The following STT3B variants were observed in gnomAD, a reference collection of about 807,000 sequenced individuals.
The protein encoded by STT3B is dolichyl-diphosphooligosaccharide--protein glycosyltransferase subunit STT3B.
STT3B carries 29 observed loss-of-function variants against 96.8 expected under a neutral mutation model. The ratio of observed to expected loss-of-function variants is 0.30; its 90% CI spans 0.22 to 0.41. The LOEUF is 0.41. Among genes scored for constraint, STT3B ranks in the 10% least tolerant of loss-of-function variants. The pLI is 1.00. For synonymous variants in STT3B, 367 were observed against 360.0 expected, an observed-to-expected ratio of 1.02 and a Z score of -0.22; for missense variants, 640 against 1,022.3, an observed-to-expected ratio of 0.63 and a Z score of 5.10.
At chr3:31,634,508 T>C (rs1699723178) in intron 15 of STT3B, among the ~76,000 whole-genome samples, 1 of 152,206 alleles carries the variant, frequency 6.6e-6, no homozygotes, top group Non-Finnish European at 1.5e-5. Flanking sequence ...ATTTTGACAT[T>C]CTGGTTTCCA....
chr3:31,622,547 A>G (rs1365703920), intron 10 of STT3B, among the ~76,000 whole-genome samples: 1 of 152,214 alleles, frequency 6.6e-6, no homozygotes, highest in Non-Finnish European at 1.5e-5. Context: ...TTTGTTATCT[A>G]AATACTTAAG....
chr3:31,548,605 T>C (rs1436977148), intron 1 of STT3B, among the ~76,000 whole-genome samples: 1 of 152,200 alleles, frequency 6.6e-6, no homozygotes, highest in Non-Finnish European at 1.5e-5. Context: ...TAGTTCAGTA[T>C]TGACCACCTC....
At chr3:31,539,948 GTGTA>G (rs2125434249) in intron 1 of STT3B, among the ~76,000 whole-genome samples, 1 of 152,260 alleles carries the variant, frequency 6.6e-6, no homozygotes, top group African/African-American at 2.4e-5. Flanking sequence ...AGGATTTTTA[GTGTA>G]TGTGTTGGCC....
intron 3 of STT3B, among the ~76,000 whole-genome samples, chr3:31,581,052 A>G (rs961635816): frequency 6.6e-6 from 1 of 152,144 alleles, no homozygotes; most frequent in Non-Finnish European, 1.5e-5. Context: ...GATCCTGATA[A>G]TATAATGCTT....
chr3:31,621,868 T>C (rs1699436621), intron 9 of STT3B, among the ~76,000 whole-genome samples: 1 of 152,254 alleles, frequency 6.6e-6, no homozygotes, highest in Non-Finnish European at 1.5e-5. Flanking sequence ...ATTTGAATCA[T>C]ATACATTTTT....
chr3:31,633,243 G>T lies in STT3B; in HGVS notation c.2400+96G>T, dbSNP rs1699697551. The T allele has an allele frequency of 2.8e-5, 29 of 1,038,296 alleles. No individual in the cohort carries two copies. In the South Asian group the frequency reaches 4.3e-4, roughly 15 times the overall value. 64.3% of individuals were successfully genotyped at this position (1,038,296 alleles called of 1,614,324 possible). ...AATTGCAATAAATTTCCATCTGCCA[G>T]ATTTATAAAGACTATGGCTTCTATA... On this transcript the variant is annotated intron_variant, in intron 15 of 15. Coordinates refer to ENST00000295770, the MANE Select transcript of STT3B (RefSeq NM_178862.3).
At chr3:31,562,386 T>C (rs1398134584) in intron 1 of STT3B, among the ~76,000 whole-genome samples, 2 of 152,010 alleles carry the variant, frequency 1.3e-5, no homozygotes, top group Non-Finnish European at 2.9e-5. Flanking sequence ...CTGGGAGTAG[T>C]GTTCAGGTGT....
rs1161275688 is a variant in STT3B, at chr3:31,625,863, A to C, written c.1900-91A>C. The C allele has an allele frequency of 5.8e-6, 7 of 1,217,060 alleles. No homozygotes were observed. In the South Asian group the frequency reaches 9.9e-5, roughly 17 times the overall value. The allele number at this position is 1,217,060 out of a possible 1,614,324, so 75.4% of individuals were successfully genotyped here. A position where few individuals can be genotyped will look rare whatever the true frequency, so the allele number is the denominator to read the frequency against. ...AAATTCCATGTAAAACAAACTCTTG[A>C]TGAATTCCATGTTGTAGTAAAAAAT... On this transcript the variant is annotated intron_variant, in intron 12 of 15. Transcript: ENST00000295770.
chr3:31,536,062 C>G (rs943491526), intron 1 of STT3B, among the ~76,000 whole-genome samples: 1 of 151,912 alleles, frequency 6.6e-6, no homozygotes, highest in Non-Finnish European at 1.5e-5. Flanking sequence ...AAAAAAAATA[C>G]CTTGTTCTTG....
chr3:31,537,004 T>C (rs530396143), intron 1 of STT3B, among the ~76,000 whole-genome samples: 1 of 152,352 alleles, frequency 6.6e-6, no homozygotes, highest in South Asian at 2.1e-4. Context: ...GTGAGAGCTC[T>C]TTTTTCCCTG....
At chr3:31,626,751 C>T (rs1014709961) in intron 13 of STT3B, among the ~76,000 whole-genome samples, 2 of 152,116 alleles carry the variant, frequency 1.3e-5, no homozygotes, top group South Asian at 2.1e-4. Context: ...TTTATAGTGC[C>T]GTTTAATGAG....
At chr3:31,610,532 A>G (rs1699160158) in intron 5 of STT3B, among the ~76,000 whole-genome samples, 1 of 152,224 alleles carries the variant, frequency 6.6e-6, no homozygotes, top group African/African-American at 2.4e-5. Context: ...GGGGAACAGC[A>G]AACTTCTTCA....
rs746961657 is a variant in STT3B at position 31,596,834 on chromosome 3, A to G, written c.748A>G (p.Met250Val). 20 of 1,612,888 alleles carry G rather than the reference A, an allele frequency of 1.2e-5. No individual in the cohort carries two copies. The highest frequency in any genetic ancestry group is 4.5e-5 in the East Asian group (2 of 44,802). ...AAAAACTGGGTCAGTTTTTTGGACA[A>G]TGTGCTGCTGCTTATCCTATTTCTA... Reference protein sequence around the residue: ...SVKTGSVFWTMCCCLSYFYMV... With the variant: ...SVKTGSVFWTVCCCLSYFYMV... The change falls in exon 4 of 16, where the codon ATG (methionine) becomes GTG (valine). Residue 250 changes from methionine to valine, a missense_variant. Physicochemically the swap from Met to Val is conservative, Grantham distance 21 (BLOSUM62 1). Coordinates refer to ENST00000295770, the MANE Select transcript of STT3B (RefSeq NM_178862.3).
chr3:31,563,097 G>GT (rs1339268434), intron 1 of STT3B, among the ~76,000 whole-genome samples: 1 of 152,108 alleles, frequency 6.6e-6, no homozygotes, highest in East Asian at 1.9e-4. Context: ...GAACAGGCTT[G>GT]TTTCCCTCTT....
At chr3:31,592,112 AT>A (rs1242853554) in intron 3 of STT3B, among the ~76,000 whole-genome samples, 2 of 152,134 alleles carry the variant, frequency 1.3e-5, no homozygotes, top group African/African-American at 4.8e-5. Flanking sequence ...ATTAAACAAT[AT>A]CTCTCCTTTC....
intron 3 of STT3B, among the ~76,000 whole-genome samples, chr3:31,594,517 C>T (rs970944160): frequency 6.6e-6 from 1 of 152,014 alleles, no homozygotes; most frequent in African/African-American, 2.4e-5. Flanking sequence ...GCAACCTCCA[C>T]CTCCCGGGTT....
chr3:31,599,187 A>G (rs1429028991), intron 4 of STT3B, among the ~76,000 whole-genome samples: 1 of 151,926 alleles, frequency 6.6e-6, no homozygotes, highest in African/African-American at 2.4e-5. Context: ...CTTTTTTTCT[A>G]CACCATAGCC....
At chr3:31,563,778 A>C (rs1163320052) in intron 1 of STT3B, among the ~76,000 whole-genome samples, 2 of 152,152 alleles carry the variant, frequency 1.3e-5, no homozygotes. Flanking sequence ...CAAGTGCTGA[A>C]ATTGGTAATT....
intron 5 of STT3B, among the ~76,000 whole-genome samples, chr3:31,607,237 TGGGACTATTGG>T (rs950635295): frequency 4.6e-5 from 7 of 152,214 alleles, no homozygotes; most frequent in Non-Finnish European, 8.8e-5. Flanking sequence ...AGTTAAGACT[TGGGACTATTGG>T]GGGACTATTG....
Sources: allele counts gnomAD v4.1 joint callset (sites outside exome capture counted in the v4.1 genomes callset), GRCh38; gene constraint gnomAD v4.1.1; transcripts MANE v1.5; gene names NCBI Gene and HGNC (gene_info 2026-07-23, HGNC 2026-07-21).